Variants in SLC26A8 observed in about 807,000 individuals in gnomAD.
SLC26A8 encodes testis anion transporter 1.
SLC26A8 carries 70 observed loss-of-function variants against 105.0 expected under a neutral mutation model. The observed-to-expected ratio is 0.67, with a 90% CI of 0.55 to 0.81. SLC26A8 has a LOEUF of 0.81. Ranked by LOEUF, SLC26A8 falls within the 40% of genes least tolerant of loss-of-function variation. The probability of loss-of-function intolerance (pLI) is 0.00; values close to 1 mark genes in which losing one functional copy is unlikely to be tolerated. For synonymous variants in SLC26A8, 415 were observed against 438.3 expected (o/e 0.95, Z 0.66); for missense variants, 998 against 1,181.8 (o/e 0.84, Z 2.28).
At chr6:35,996,819 G>A (rs781512934) in intron 5 of SLC26A8, among the ~76,000 whole-genome samples, 5 of 152,112 alleles carry the variant, frequency 3.3e-5, no homozygotes, top group Non-Finnish European at 5.9e-5. Context: ...TGGATCACCC[G>A]AGGTCAGGAG....
intron 11 of SLC26A8, among the ~76,000 whole-genome samples, chr6:35,967,403 T>C (rs1370835241): frequency 6.6e-6 from 1 of 152,138 alleles, no homozygotes; most frequent in Non-Finnish European, 1.5e-5. Flanking sequence ...AACAGGAACA[T>C]GAAGAAAACT....
intron 8 of SLC26A8, among the ~76,000 whole-genome samples, chr6:35,980,609 G>A (rs1212200095): frequency 1.3e-5 from 2 of 152,122 alleles, no homozygotes; most frequent in Admixed American, 6.6e-5. Flanking sequence ...CCTAGGTGGT[G>A]TCTGCCCACA....
intron 9 of SLC26A8, among the ~76,000 whole-genome samples, chr6:35,976,683 G>A (rs568901780): frequency 7.1e-4 from 107 of 151,498 alleles, no homozygotes; most frequent in Non-Finnish European, 1.2e-3. Context: ...TGGGAGCACA[G>A]GCGCCCGCCA....
At chr6:35,949,200 G>C (rs1331926327) in intron 19 of SLC26A8, among the ~76,000 whole-genome samples, 1 of 152,152 alleles carries the variant, frequency 6.6e-6, no homozygotes, top group Non-Finnish European at 1.5e-5. Context: ...TTGGGAGGCT[G>C]GGGCGGGTAG....
At chr6:35,970,091 G>T (rs534262650) in intron 10 of SLC26A8, among the ~76,000 whole-genome samples, 3 of 152,118 alleles carry the variant, frequency 2.0e-5, no homozygotes, top group Non-Finnish European at 4.4e-5. Flanking sequence ...TTTTCACTGC[G>T]ATGGGAATAG....
Position 35,955,831 on chromosome 6 carries a change from A to G in SLC26A8, c.1864-311T>C, listed in dbSNP as rs143204266. ...TTTTCCTCATGCTTGGGTCCTAGTT[A>G]GTCTCCAGTGCCTACTAATACTTTG... On this transcript the variant is annotated intron_variant, in intron 16 of 19. Coordinates refer to ENST00000490799, the MANE Select transcript of SLC26A8 (RefSeq NM_052961.4). Among the ~76,000 whole-genome samples the G allele has an allele frequency of 4.9e-3, 740 of 152,212 alleles. 10 individuals are homozygous for G. Among genetic ancestry groups the G allele is most frequent in the African/African-American group, 0.016 (668 of 41,546 alleles).
At chr6:35,991,226 C>G (rs768086613) in intron 7 of SLC26A8, among the ~76,000 whole-genome samples, 1 of 132,572 alleles carries the variant, frequency 7.5e-6, no homozygotes, top group Non-Finnish European at 1.7e-5. Flanking sequence ...CATGGTGAAA[C>G]CCTGTCTCTA....
intron 7 of SLC26A8, among the ~76,000 whole-genome samples, chr6:35,984,169 C>A (rs534578890): frequency 2.0e-5 from 3 of 152,070 alleles, no homozygotes; most frequent in Admixed American, 2.0e-4. Context: ...AAGGTTAATG[C>A]CTAAATTGCA....
At chr6:35,966,217 A>C (rs968317764) in intron 11 of SLC26A8, among the ~76,000 whole-genome samples, 5 of 152,186 alleles carry the variant, frequency 3.3e-5, no homozygotes, top group African/African-American at 1.2e-4. Context: ...AGCGAAAAGC[A>C]AAGATGAAGT....
intron 3 of SLC26A8, among the ~76,000 whole-genome samples, chr6:36,008,407 A>T (rs1383354953): frequency 6.6e-6 from 1 of 152,234 alleles, no homozygotes; most frequent in African/African-American, 2.4e-5. Context: ...CAAAGAAGAT[A>T]TGAGGATAGC....
At chr6:36,000,295 T>A (rs1011218805) in intron 3 of SLC26A8, among the ~76,000 whole-genome samples, 187 bp from the exon 4 acceptor site, 1 of 152,194 alleles carries the variant, frequency 6.6e-6, no homozygotes, top group Non-Finnish European at 1.5e-5. Flanking sequence ...TAGCTTCTCT[T>A]CCTATTTTGC....
At chr6:35,986,695 A>T (rs1307706623) in intron 7 of SLC26A8, among the ~76,000 whole-genome samples, 1 of 151,774 alleles carries the variant, frequency 6.6e-6, no homozygotes, top group African/African-American at 2.4e-5. Flanking sequence ...TTTATTTTTT[A>T]TTTTATTTTA....
chr6:35,951,085 C>G, intron 19 of SLC26A8, 78 bp downstream of exon 19: 5 of 1,252,870 alleles, frequency 4.0e-6, no homozygotes, highest in Non-Finnish European at 4.5e-6. Context: ...TGACTCCCAG[C>G]CCCCAACCAC....
chr6:35,961,216 G>T, intron 12 of SLC26A8, 117 bp from the exon 13 acceptor site: 1 of 784,968 alleles, frequency 1.3e-6, no homozygotes, highest in African/African-American at 1.7e-5. Flanking sequence ...TGGGCTTTAG[G>T]GAAATATTCC....
chr6:35,993,156 AT>A (rs70975122), intron 5 of SLC26A8, among the ~76,000 whole-genome samples: 3,674 of 87,556 alleles, frequency 0.042, 237 homozygotes, highest in African/African-American at 0.13. Flanking sequence ...CACACTGGGC[AT>A]TTTTTTTTTT....
chr6:36,006,564 C>T (rs990629905), intron 3 of SLC26A8, among the ~76,000 whole-genome samples: 4 of 152,152 alleles, frequency 2.6e-5, no homozygotes, highest in African/African-American at 9.7e-5. Context: ...ATGGGATATC[C>T]TCCAACTTTG....
chr6:36,009,383 C>CAACAACAACAAAAAA (rs375466184), intron 3 of SLC26A8, among the ~76,000 whole-genome samples: 1 of 149,206 alleles, frequency 6.7e-6, no homozygotes, highest in African/African-American at 2.5e-5. Context: ...ACAACAACAA[C>CAACAACAACAAAAAA]AAACCTGCAC....
intron 8 of SLC26A8, 55 bp downstream of exon 8, chr6:35,982,066 G>A (rs561165437): frequency 3.9e-6 from 6 of 1,552,182 alleles, no homozygotes; most frequent in Admixed American, 1.7e-5. Context: ...GTGGTCAGAG[G>A]CTAAGAGAGG....
At chr6:36,009,452 C>T (rs1761788200) in intron 3 of SLC26A8, among the ~76,000 whole-genome samples, 1 of 152,132 alleles carries the variant, frequency 6.6e-6, no homozygotes, top group East Asian at 1.9e-4. Flanking sequence ...TCCAGATATC[C>T]TTCAATGGGT....
Sources: allele counts gnomAD v4.1 joint callset (sites outside exome capture counted in the v4.1 genomes callset), GRCh38; gene constraint gnomAD v4.1.1; transcripts MANE v1.5; gene names NCBI Gene and HGNC (gene_info 2026-07-23, HGNC 2026-07-21).